The following NBEA variants were observed in gnomAD, a reference collection of about 807,000 sequenced individuals.
NBEA encodes lysosomal-trafficking regulator 2.
In NBEA, 44 loss-of-function variants were observed where a neutral mutation model predicts 343.4. The observed-to-expected ratio is 0.13, with a 90% CI of 0.10 to 0.16. NBEA has a LOEUF of 0.16. Among genes scored for constraint, NBEA ranks in the 10% least tolerant of loss-of-function variants. NBEA has a pLI of 1.00. For missense variants in NBEA, 2,555 were observed against 3,631.3 expected (o/e 0.70, Z 7.62); for synonymous variants, 1,175 against 1,238.7 (o/e 0.95, Z 1.08).
Position 34,942,722 on chromosome 13 carries a change from G to T in NBEA, c.-99G>T. On this transcript the variant is annotated 5_prime_UTR_variant, in exon 1 of 59. Transcript: ENST00000379939. ...CGCCGCGGCGCTGGTGGATGCTGGGGCTCCGAGGCGACGGCCGGGGGGCGG... is the reference window on the plus strand; with the variant it reads ...CGCCGCGGCGCTGGTGGATGCTGGGTCTCCGAGGCGACGGCCGGGGGGCGG... The T allele has an allele frequency of 9.0e-6, 9 of 997,686 alleles. No homozygotes were observed. The highest frequency in any genetic ancestry group is 1.2e-5 in the Non-Finnish European group (9 of 771,474). The allele number at this position is 997,686 out of a possible 1,614,324, so 61.8% of individuals were successfully genotyped here.
At chr13:35,299,221 A>G (rs1296612456) in intron 35 of NBEA, among the ~76,000 whole-genome samples, 1 of 152,182 alleles carries the variant, frequency 6.6e-6, no homozygotes, top group Non-Finnish European at 1.5e-5. Flanking sequence ...TGAAGACTTA[A>G]GATATCAATT....
chr13:35,620,212 T>C (rs9544842), intron 48 of NBEA, among the ~76,000 whole-genome samples: 29,428 of 151,982 alleles, frequency 0.19, 3,154 homozygotes, highest in Non-Finnish European at 0.24. Flanking sequence ...GATAGACAAT[T>C]TTTTAAAAGT....
chr13:35,332,436 A>G (rs963787202), intron 36 of NBEA, among the ~76,000 whole-genome samples: 3 of 152,130 alleles, frequency 2.0e-5, no homozygotes, highest in Non-Finnish European at 2.9e-5. Flanking sequence ...AGAGAAGGTT[A>G]GAGAAGTAGA....
At chr13:35,366,304 T>TATTATACCAA (rs1208924342) in intron 38 of NBEA, among the ~76,000 whole-genome samples, 1 of 151,508 alleles carries the variant, frequency 6.6e-6, no homozygotes, top group Non-Finnish European at 1.5e-5. Context: ...AGAAACATTC[T>TATTATACCAA]ATTATACCAA....
intron 38 of NBEA, among the ~76,000 whole-genome samples, chr13:35,427,141 T>A (rs1196003285): frequency 6.6e-6 from 1 of 152,242 alleles, no homozygotes; most frequent in African/African-American, 2.4e-5. Flanking sequence ...CTCGTCAAAG[T>A]CATTCTCCAT....
intron 1 of NBEA, among the ~76,000 whole-genome samples, chr13:34,960,165 A>G (rs961360026): frequency 5.3e-5 from 8 of 152,152 alleles, no homozygotes; most frequent in Non-Finnish European, 1.2e-4. Context: ...AGATCCTGAC[A>G]CTTCGTAGGT....
At chr13:35,016,194 G>A (rs2061650014) in intron 1 of NBEA, among the ~76,000 whole-genome samples, 1 of 151,894 alleles carries the variant, frequency 6.6e-6, no homozygotes, top group African/African-American at 2.4e-5. Flanking sequence ...TTATTTCTTT[G>A]TAATTATATT....
At chr13:35,247,453 C>A (rs1406500640) in intron 34 of NBEA, among the ~76,000 whole-genome samples, 1 of 152,138 alleles carries the variant, frequency 6.6e-6, no homozygotes, top group Non-Finnish European at 1.5e-5. Flanking sequence ...ACCCACAGGG[C>A]TTTTCCCTGC....
chr13:35,203,726 T>G (rs776655505), intron 31 of NBEA, among the ~76,000 whole-genome samples: 9 of 152,222 alleles, frequency 5.9e-5, no homozygotes, highest in Non-Finnish European at 1.2e-4. Context: ...TATTACTTAT[T>G]AGTCAATTTA....
At chr13:35,063,351 G>A (rs374675248) in intron 8 of NBEA, among the ~76,000 whole-genome samples, 66 of 152,052 alleles carry the variant, frequency 4.3e-4, no homozygotes, top group African/African-American at 1.5e-3. Context: ...GTGTCTATAT[G>A]GTGATAAGAG....
At chr13:35,583,803 A>G (rs1460946179) in intron 45 of NBEA, 95 bp from the exon 46 acceptor site, 2 of 903,546 alleles carry the variant, frequency 2.2e-6, no homozygotes, top group East Asian at 5.3e-5. Context: ...TATGGCTAAA[A>G]TGAATTAACA....
At chr13:35,301,795 C>T (rs191741028) in intron 35 of NBEA, among the ~76,000 whole-genome samples, 1 of 152,258 alleles carries the variant, frequency 6.6e-6, no homozygotes, top group Non-Finnish European at 1.5e-5. Flanking sequence ...AATTTACACT[C>T]CCACCAACAG....
At chr13:35,017,586 G>A (rs1237279399) in intron 1 of NBEA, among the ~76,000 whole-genome samples, 1 of 152,158 alleles carries the variant, frequency 6.6e-6, no homozygotes, top group East Asian at 1.9e-4. Context: ...TTTTCCATGT[G>A]CTTACAGAAC....
At chr13:35,437,660 C>A (rs1049966297) in intron 39 of NBEA, among the ~76,000 whole-genome samples, 2 of 152,048 alleles carry the variant, frequency 1.3e-5, no homozygotes. Context: ...ATAGTAAAAT[C>A]TCATACAAGT....
chr13:35,657,665 T>C (rs528950682), intron 55 of NBEA, among the ~76,000 whole-genome samples: 1 of 152,308 alleles, frequency 6.6e-6, no homozygotes, highest in East Asian at 1.9e-4. Flanking sequence ...TTTATTTCCA[T>C]AATAGTGTAG....
At chr13:35,471,078 G>A (rs2075622341) in intron 40 of NBEA, among the ~76,000 whole-genome samples, 1 of 152,142 alleles carries the variant, frequency 6.6e-6, no homozygotes, top group Admixed American at 6.5e-5. Context: ...GGTCTGGCCC[G>A]GGCAGTCCCG....
At chr13:35,397,371 C>T (rs562406782) in intron 38 of NBEA, among the ~76,000 whole-genome samples, 2 of 152,146 alleles carry the variant, frequency 1.3e-5, no homozygotes, top group Admixed American at 6.6e-5. Context: ...GAGGCTTTCC[C>T]CAACCATACT....
chr13:35,461,188 C>T (rs1267213785), intron 40 of NBEA, among the ~76,000 whole-genome samples: 3 of 152,196 alleles, frequency 2.0e-5, no homozygotes, highest in Non-Finnish European at 2.9e-5. Flanking sequence ...AACATATTTA[C>T]ACAACAGTAG....
intron 1 of NBEA, among the ~76,000 whole-genome samples, chr13:34,997,357 G>T (rs1403022352): frequency 6.6e-6 from 1 of 152,206 alleles, no homozygotes; most frequent in Non-Finnish European, 1.5e-5. Flanking sequence ...TAGATGGTTT[G>T]TAACGTCTTT....
Sources: gnomAD v4.1 joint callset for allele counts (sites outside exome capture counted in the v4.1 genomes callset) on GRCh38, gnomAD v4.1.1 for gene constraint, MANE v1.5 for transcripts, NCBI Gene and HGNC (gene_info 2026-07-23, HGNC 2026-07-21) for gene names.